The following MBP variants were observed in gnomAD, a reference collection of about 807,000 sequenced individuals.
The protein encoded by MBP is myelin basic protein, also known as Golli-MBP.
MBP carries 16 observed loss-of-function variants against 35.8 expected under a neutral mutation model. That is an observed-to-expected ratio of 0.45 (90% CI 0.30 to 0.68). MBP has a LOEUF of 0.68. Ranked by LOEUF, MBP falls within the 30% of genes least tolerant of loss-of-function variation. The probability of loss-of-function intolerance (pLI) is 0.08; values close to 1 mark genes in which losing one functional copy is unlikely to be tolerated. For synonymous variants in MBP, 143 were observed against 159.6 expected, an observed-to-expected ratio of 0.90 and a Z score of 0.78; for missense variants, 380 against 404.7, an observed-to-expected ratio of 0.94 and a Z score of 0.52.
At chr18:77,127,660 A>G (rs1338418964) in intron 1 of MBP, 1 of 152,230 alleles carries the variant, frequency 6.6e-6, no homozygotes, top group Non-Finnish European at 1.5e-5. Flanking sequence ...TAGAAAATAT[A>G]AAGAATTAGG....
chr18:77,078,218 C>G (rs962173180), intron 2 of MBP, among the ~76,000 whole-genome samples: 1 of 152,212 alleles, frequency 6.6e-6, no homozygotes, highest in Non-Finnish European at 1.5e-5. Context: ...GAGTCACTTT[C>G]CAGGTCATAA....
chr18:76,980,032 T>A lies in MBP; in HGVS notation c.*395A>T. ...CCCACGTCCTCTCTGTCTCTGCAGC[T>A]GTGTGCCTCCATGGCAGTGACCAGC... is the stretch of plus-strand genomic sequence containing the variant. On this transcript the variant is annotated 3_prime_UTR_variant, in exon 9 of 9. Transcript: ENST00000355994. 4.3e-6 allele frequency: 3 copies of A among 702,474 alleles called. No individual in the cohort carries two copies. The highest frequency in any genetic ancestry group is 7.8e-6 in the Non-Finnish European group (3 of 384,998). The allele number at this position is 702,474 out of a possible 1,614,324, so 43.5% of individuals were successfully genotyped here. A position where few individuals can be genotyped will look rare whatever the true frequency, so the allele number is the denominator to read the frequency against.
intron 3 of MBP, among the ~76,000 whole-genome samples, chr18:77,032,972 TA>T (rs1444750962): frequency 2.4e-4 from 36 of 152,306 alleles, no homozygotes; most frequent in African/African-American, 8.4e-4. Flanking sequence ...TTAATTTTTT[TA>T]TTTTTATTTT....
intron 3 of MBP, among the ~76,000 whole-genome samples, chr18:77,030,765 A>G (rs994853105): frequency 1.3e-5 from 2 of 152,246 alleles, no homozygotes; most frequent in African/African-American, 4.8e-5. Flanking sequence ...TTTTTTAAAC[A>G]TACACATTTC....
At position 77,044,038 on chromosome 18, in the gene MBP, C is replaced by A. The variant is rs1449621329; in HGVS notation, c.139+22260G>T. Among the ~76,000 whole-genome samples the A allele has an allele frequency of 3.2e-5, 2 of 61,830 alleles. No individual in the cohort carries two copies. The highest frequency in any genetic ancestry group is 6.8e-5 in the African/African-American group (2 of 29,304). The allele number at this position is 61,830 out of a possible 152,430, so 40.6% of individuals were successfully genotyped here. ...CTGAGGCTCTCTGCCTCTCTGCCTC[C>A]TCCCTGGAGGCCGTGCAAATCCTGT... On this transcript the variant is annotated intron_variant, in intron 3 of 8. Transcript: ENST00000355994. The surrounding 1 kb of genome is among the most constrained non-coding windows in gnomAD (Gnocchi z 4.4).
rs995726899 is a variant in MBP, at chr18:76,989,850, C to T, written c.681+106G>A. The T allele has an allele frequency of 3.7e-5, 36 of 965,214 alleles. No individual in the cohort carries two copies. Among genetic ancestry groups the T allele is most frequent in the South Asian group, 5.7e-5 (4 of 69,994 alleles). The allele number at this position is 965,214 out of a possible 1,614,324, so 59.8% of individuals were successfully genotyped here. On this transcript the variant is annotated intron_variant, in intron 5 of 8. Coordinates refer to ENST00000355994, the MANE Select transcript of MBP (RefSeq NM_001025101.2). This position sits in a 1 kb window ranked among gnomAD's most constrained non-coding sequence, Gnocchi z 4.0. Reference sequence around the variant, plus strand: ...GGCCGGCCTCACCCTGATGATGACCCCGGTGCCACCCCCGAGCGTACGAAC... The same window carrying T: ...GGCCGGCCTCACCCTGATGATGACCTCGGTGCCACCCCCGAGCGTACGAAC...
chr18:77,062,772 C>T (rs1398917373), intron 3 of MBP, among the ~76,000 whole-genome samples: 1 of 152,204 alleles, frequency 6.6e-6, no homozygotes, highest in African/African-American at 2.4e-5. Context: ...GAGTCAGCAC[C>T]TGGCACAAAC....
chr18:76,985,508 G>A, intron 7 of MBP: 1 of 1,176,228 alleles, frequency 8.5e-7, no homozygotes, highest in South Asian at 1.7e-5. Context: ...ACAAAATCCT[G>A]AGCTCTCTCC....
chr18:77,003,681 T>C (rs1323166801), intron 4 of MBP: 3 of 152,214 alleles, frequency 2.0e-5, no homozygotes, highest in Non-Finnish European at 4.4e-5. Context: ...ATTTTTTGAA[T>C]TAGGAATCGT....
At chr18:77,040,711 G>C (rs1470818528) in intron 3 of MBP, among the ~76,000 whole-genome samples, 1 of 152,178 alleles carries the variant, frequency 6.6e-6, no homozygotes, top group East Asian at 1.9e-4. Flanking sequence ...ATGGTGCTGG[G>C]AAAACTGGCT....
At chr18:77,016,725 A>G in intron 4 of MBP, 107 bp downstream of exon 4, 2 of 1,497,456 alleles carry the variant, frequency 1.3e-6, no homozygotes, top group Admixed American at 4.3e-5. Flanking sequence ...GACCTTAGAC[A>G]GCAAGAGGCT....
intron 2 of MBP, among the ~76,000 whole-genome samples, chr18:77,104,407 CA>C (rs1727992775): frequency 6.6e-6 from 1 of 152,140 alleles, no homozygotes; most frequent in South Asian, 2.1e-4. Flanking sequence ...GGTGAGGAGC[CA>C]AGTAGCCGCA....
At chr18:77,121,459 C>T (rs942559448) in intron 1 of MBP, among the ~76,000 whole-genome samples, 3 of 152,166 alleles carry the variant, frequency 2.0e-5, no homozygotes, top group African/African-American at 4.8e-5. Flanking sequence ...TTTAAACATG[C>T]GTGTTCAGGA....
At chr18:77,050,205 A>G (rs1973432997) in intron 3 of MBP, among the ~76,000 whole-genome samples, 1 of 152,196 alleles carries the variant, frequency 6.6e-6, no homozygotes, top group Admixed American at 6.5e-5. Flanking sequence ...TTCTTGTTCT[A>G]TGGAAACGTT....
At chr18:77,124,934 T>C (rs1439078276) in intron 1 of MBP, among the ~76,000 whole-genome samples, 5 of 152,222 alleles carry the variant, frequency 3.3e-5, no homozygotes, top group Non-Finnish European at 5.9e-5. Flanking sequence ...CCTCAAGTCA[T>C]GGGCTCAAGA....
At chr18:77,082,095 G>A (rs566202679) in intron 2 of MBP, among the ~76,000 whole-genome samples, 17 of 151,834 alleles carry the variant, frequency 1.1e-4, no homozygotes, top group South Asian at 4.2e-4. Flanking sequence ...CTTGTGATCC[G>A]CCCGCCTCGG....
rs2290825 is a variant in MBP, at chr18:77,098,303, C to A, written c.51+6908G>T. ...CACTCACTTTACATAATGTTATCAT[C>A]GTATCATGTTACCATCTTAAGTAAG... On this transcript the variant is annotated intron_variant, in intron 2 of 8. Coordinates refer to ENST00000355994, the MANE Select transcript of MBP (RefSeq NM_001025101.2). 2.3e-4 allele frequency among the ~76,000 whole-genome samples: 35 copies of A among 151,158 alleles called. No individual in the cohort carries two copies. The East Asian group carries it at 6.8e-3, about 29-fold the overall frequency.
At chr18:77,098,774 G>A (rs1390668458) in intron 2 of MBP, among the ~76,000 whole-genome samples, 5 of 152,196 alleles carry the variant, frequency 3.3e-5, no homozygotes, top group Non-Finnish European at 7.3e-5. Context: ...GATGCCCTTC[G>A]GCAAACATCA....
intron 3 of MBP, among the ~76,000 whole-genome samples, chr18:77,061,132 A>C (rs925877593): frequency 6.6e-6 from 1 of 152,240 alleles, no homozygotes; most frequent in Non-Finnish European, 1.5e-5. Flanking sequence ...GGCTAGACAC[A>C]GGGATCATAG....
Sources: gnomAD v4.1 joint callset for allele counts (sites outside exome capture counted in the v4.1 genomes callset) on GRCh38, gnomAD v4.1.1 for gene constraint, Gnocchi (gnomAD v3.1) non-coding constraint, MANE v1.5 for transcripts, NCBI Gene and HGNC (gene_info 2026-07-23, HGNC 2026-07-21) for gene names.